Variants in DIP2C observed in about 807,000 individuals in gnomAD.
The protein encoded by DIP2C is DIP2 acetate--CoA ligase C (putative).
A neutral mutation model predicts 192.4 loss-of-function variants in DIP2C; 33 were observed. That is an observed-to-expected ratio of 0.17 (90% CI 0.13 to 0.23). DIP2C has a LOEUF of 0.23. DIP2C is among the 10% of genes least tolerant of loss of function. The pLI is 1.00. For synonymous variants in DIP2C, 979 were observed against 864.1 expected, an observed-to-expected ratio of 1.13 and a Z score of -2.33; for missense variants, 1,537 against 2,110.1, an observed-to-expected ratio of 0.73 and a Z score of 5.32.
chr10:424,044 G>T (rs927153024), intron 4 of DIP2C, among the ~76,000 whole-genome samples: 3 of 152,086 alleles, frequency 2.0e-5, no homozygotes, highest in African/African-American at 7.3e-5. Flanking sequence ...GCAGTACCAA[G>T]GTTTTTGGGA....
In DIP2C at chr10:587,137, T is replaced by A. The variant is rs186691124; in HGVS notation, c.86-100607A>T. The stretch of plus-strand genomic sequence containing the variant: ...GTGGCGAGGGGCAAACAGTGCAGGG[T>A]CTAAGGCCGGACCACCCGGGTCCCT... On this transcript the variant is annotated intron_variant, in intron 1 of 36. Transcript: ENST00000280886. Among the ~76,000 whole-genome samples the A allele has an allele frequency of 8.8e-3, 1,331 of 150,464 alleles. 16 individuals are homozygous for A. The highest frequency in any genetic ancestry group is 0.031 in the African/African-American group (1,272 of 40,864).
At chr10:350,557 TG>T (rs1310273798) in intron 24 of DIP2C, among the ~76,000 whole-genome samples, 2 of 150,132 alleles carry the variant, frequency 1.3e-5, no homozygotes, top group Non-Finnish European at 1.5e-5. Context: ...CCTCAAGCAG[TG>T]GGCAACTGGA....
chr10:440,796 C>A (rs939822862), intron 4 of DIP2C, 75 bp downstream of exon 4: 1 of 1,513,398 alleles, frequency 6.6e-7, no homozygotes. Flanking sequence ...AGCAAAAACC[C>A]CTGATTGCTG....
In DIP2C at chr10:633,366, G is replaced by C. The variant is rs868118023; in HGVS notation, c.85+56128C>G. Among the ~76,000 whole-genome samples, 17 of 152,240 alleles carry C rather than the reference G, an allele frequency of 1.1e-4. 1 individual carries two copies. Among genetic ancestry groups the C allele is most frequent in the Admixed American group, 3.3e-4 (5 of 15,290 alleles). On this transcript the variant is annotated intron_variant, in intron 1 of 36. Transcript: ENST00000280886. ...GTTCACATTCCGGCGGTGCCATAGA[G>C]CAGACGGGGGGAGTCCGAGGCGGTG...
At chr10:458,753 G>A (rs183533050) in intron 3 of DIP2C, among the ~76,000 whole-genome samples, 12 of 147,974 alleles carry the variant, frequency 8.1e-5, no homozygotes, top group Non-Finnish European at 1.2e-4. Context: ...CTGCCTCACC[G>A]GCAGCACATG....
intron 1 of DIP2C, among the ~76,000 whole-genome samples, chr10:583,355 G>A (rs1295555881): frequency 1.3e-5 from 2 of 152,162 alleles, no homozygotes; most frequent in African/African-American, 4.8e-5. Flanking sequence ...AAGTTTATAT[G>A]GAATGAATTA....
intron 1 of DIP2C, among the ~76,000 whole-genome samples, chr10:619,541 G>GCCCGCCCGCCCGCCCTCCCT: frequency 4.4e-5 from 3 of 67,896 alleles, no homozygotes; most frequent in African/African-American, 1.0e-4. Flanking sequence ...CCGCCCGCCC[G>GCCCGCCCGCCCGCCCTCCCT]CCCTCCCACC....
chr10:553,089 G>A (rs139678917), intron 1 of DIP2C, among the ~76,000 whole-genome samples: 10 of 152,302 alleles, frequency 6.6e-5, no homozygotes, highest in African/African-American at 1.4e-4. Flanking sequence ...CAAGAGGCTC[G>A]TGCCAACAGA....
intron 1 of DIP2C, chr10:641,743 C>T (rs1020935390): frequency 3.2e-5 from 5 of 154,176 alleles, no homozygotes; most frequent in African/African-American, 9.6e-5. Flanking sequence ...GTGTGGCTCA[C>T]ACCTCTTGTC....
rs370352073 is a variant in DIP2C at position 402,487 on chromosome 10, A to G, written c.1150-3268T>C. Among the ~76,000 whole-genome samples the G allele has an allele frequency of 1.3e-3, 20 of 15,442 alleles. No homozygotes were observed. The Non-Finnish European group carries it at 0.034, about 26-fold the overall frequency. 10.1% of individuals were successfully genotyped at this position (15,442 alleles called of 152,430 possible). On this transcript the variant is annotated intron_variant, in intron 9 of 36. Transcript: ENST00000280886. ...AATCCTGTGATTTTACACGTGTGGT[A>G]GCATTAGCATTACTCTTCCTTATGG... is the stretch of plus-strand genomic sequence containing the variant.
At chr10:677,953 A>G (rs1318026369) in intron 1 of DIP2C, among the ~76,000 whole-genome samples, 1 of 152,260 alleles carries the variant, frequency 6.6e-6, no homozygotes, top group East Asian at 1.9e-4. Context: ...CCACGTCACC[A>G]GTCCCAGTGC....
At chr10:387,908 A>T in intron 13 of DIP2C, 99 bp from the exon 14 acceptor site, 1 of 1,300,314 alleles carries the variant, frequency 7.7e-7, no homozygotes, top group Non-Finnish European at 1.1e-6. Flanking sequence ...GAAATAACAG[A>T]TCTTGGGAAA....
At chr10:493,747 C>T (rs1330505389) in intron 1 of DIP2C, among the ~76,000 whole-genome samples, 4 of 152,234 alleles carry the variant, frequency 2.6e-5, no homozygotes, top group Admixed American at 1.3e-4. Flanking sequence ...TATCCACCTA[C>T]AAAGTCGGGG....
At chr10:621,770 A>C (rs906787682) in intron 1 of DIP2C, among the ~76,000 whole-genome samples, 2 of 152,216 alleles carry the variant, frequency 1.3e-5, no homozygotes, top group Non-Finnish European at 2.9e-5. Flanking sequence ...GCTCATGCCA[A>C]GGTGCTGAGC....
intron 1 of DIP2C, among the ~76,000 whole-genome samples, chr10:608,961 T>C (rs557479718): frequency 5.9e-5 from 9 of 151,814 alleles, no homozygotes; most frequent in South Asian, 4.2e-4. Context: ...CAATGTCTAT[T>C]AGAAGAATTT....
At chr10:609,162 TACAAAAA>T (rs1217858960) in intron 1 of DIP2C, among the ~76,000 whole-genome samples, 4 of 151,942 alleles carry the variant, frequency 2.6e-5, no homozygotes, top group Middle Eastern at 3.4e-3. Flanking sequence ...CAAACATGAC[TACAAAAA>T]TATTTAATGA....
At chr10:377,615 G>C (rs12245012) in intron 17 of DIP2C, among the ~76,000 whole-genome samples, 4 of 152,014 alleles carry the variant, frequency 2.6e-5, no homozygotes, top group African/African-American at 9.7e-5. Flanking sequence ...TGACTTTTCC[G>C]AGCAGTGGGA....
chr10:487,322 T>C (rs143976862), intron 1 of DIP2C, among the ~76,000 whole-genome samples: 1 of 152,262 alleles, frequency 6.6e-6, no homozygotes, highest in African/African-American at 2.4e-5. Flanking sequence ...AGTGAAAAAT[T>C]CAAGCTTTAA....
At chr10:559,245 C>G (rs1348864614) in intron 1 of DIP2C, among the ~76,000 whole-genome samples, 1 of 152,042 alleles carries the variant, frequency 6.6e-6, no homozygotes, top group East Asian at 1.9e-4. Flanking sequence ...GGCCCTCGAT[C>G]CGGGACCACA....
Sources: gnomAD v4.1 joint callset for allele counts (sites outside exome capture counted in the v4.1 genomes callset) on GRCh38, gnomAD v4.1.1 for gene constraint, MANE v1.5 for transcripts, NCBI Gene and HGNC (gene_info 2026-07-23, HGNC 2026-07-21) for gene names.